The following RECK variants were observed in gnomAD, a reference collection of about 807,000 sequenced individuals.
RECK encodes reversion-inducing cysteine-rich protein with Kazal motifs.
RECK carries 69 observed loss-of-function variants against 115.1 expected under a neutral mutation model. The observed-to-expected ratio is 0.60, with a 90% CI of 0.49 to 0.73. The LOEUF is 0.73. Ranked by LOEUF, RECK falls within the 30% of genes least tolerant of loss-of-function variation. The probability of loss-of-function intolerance (pLI) is 0.00; values close to 1 mark genes in which losing one functional copy is unlikely to be tolerated. For missense variants in RECK, 1,047 were observed against 1,203.7 expected (o/e 0.87, Z 1.93); for synonymous variants, 414 against 419.7 (o/e 0.99, Z 0.17).
At chr9:36,041,043 A>G (rs1228162187) in intron 1 of RECK, among the ~76,000 whole-genome samples, 1 of 152,190 alleles carries the variant, frequency 6.6e-6, no homozygotes, top group African/African-American at 2.4e-5. Context: ...TATTTATTAA[A>G]CTATTAATAC....
intron 9 of RECK, among the ~76,000 whole-genome samples, chr9:36,090,407 T>G (rs1344666745): frequency 6.6e-6 from 1 of 152,146 alleles, no homozygotes; most frequent in East Asian, 1.9e-4. Flanking sequence ...ATCTTTGTCA[T>G]AGGGGTAAAT....
At chr9:36,105,377 T>C in intron 13 of RECK, 94 bp downstream of exon 13, 1 of 1,216,300 alleles carries the variant, frequency 8.2e-7, no homozygotes, top group East Asian at 2.3e-5. Context: ...CTGCTCCTTC[T>C]GTAATATAGG....
Position 36,122,891 on chromosome 9 carries a change from C to A in RECK, c.2762C>A (p.Ala921Glu). 6.2e-7 allele frequency: 1 copy of A among 1,614,200 alleles called. No individual in the cohort carries two copies. Residue 921 changes from alanine (A) to glutamate (E), a missense_variant, in exon 21 of 21, where the codon GCG becomes GAG. Ala to Glu is a moderately radical substitution (Grantham distance 107). Coordinates refer to ENST00000377966, the MANE Select transcript of RECK (RefSeq NM_021111.3). ...ATCAACTCTGACAGCCCGACTTTGG[C>A]GTCCCATGTCCCTCTCTCTGCCCTC... is the stretch of plus-strand genomic sequence containing the variant. ...SLINSDSPTL[A>E]SHVPLSALII...
chr9:36,063,952 C>T, intron 5 of RECK, 72 bp downstream of exon 5: 5 of 1,403,888 alleles, frequency 3.6e-6, no homozygotes, highest in Non-Finnish European at 5.0e-6. Context: ...ATGTCTTGGG[C>T]CTTGCCCACC....
At chr9:36,044,731 G>A (rs1180419278) in intron 1 of RECK, among the ~76,000 whole-genome samples, 3 of 152,216 alleles carry the variant, frequency 2.0e-5, no homozygotes, top group Admixed American at 1.3e-4. Flanking sequence ...TAAGAATTAA[G>A]ATGATAGTTA....
At chr9:36,109,660 A>G (rs2132663339) in intron 14 of RECK, among the ~76,000 whole-genome samples, 1 of 152,304 alleles carries the variant, frequency 6.6e-6, no homozygotes, top group East Asian at 1.9e-4. Context: ...CCTGGACAAC[A>G]TGGTGAAACC....
chr9:36,042,423 A>AGTGTGTGTGTGTGT (rs35193636), intron 1 of RECK, among the ~76,000 whole-genome samples: 32 of 144,454 alleles, frequency 2.2e-4, no homozygotes, highest in Non-Finnish European at 4.1e-4. Flanking sequence ...AGTATTCCAT[A>AGTGTGTGTGTGTGT]GTGTGTGTGT....
chr9:36,044,783 A>G (rs1821008837), intron 1 of RECK, among the ~76,000 whole-genome samples: 1 of 152,230 alleles, frequency 6.6e-6, no homozygotes, highest in South Asian at 2.1e-4. Flanking sequence ...GTGGGCATCA[A>G]GCATTTCAGG....
chr9:36,066,842 A>G (rs1198620430), intron 6 of RECK: 2 of 1,289,298 alleles, frequency 1.6e-6, no homozygotes, highest in Non-Finnish European at 2.0e-6. Flanking sequence ...GTCTGCCAGT[A>G]TGTGTTGATG....
chr9:36,042,532 A>G (rs1820908302), intron 1 of RECK, among the ~76,000 whole-genome samples: 1 of 149,316 alleles, frequency 6.7e-6, no homozygotes, highest in African/African-American at 2.5e-5. Flanking sequence ...GCAATTGCTA[A>G]TTGTGCTGCT....
chr9:36,091,450 T>C, intron 10 of RECK, 107 bp downstream of exon 10: 1 of 873,016 alleles, frequency 1.1e-6, no homozygotes, highest in South Asian at 2.5e-5. Flanking sequence ...AAAGAAAGTC[T>C]TCTTTATGAT....
intron 19 of RECK, among the ~76,000 whole-genome samples, chr9:36,121,108 CT>C (rs1047959042): frequency 3.8e-4 from 58 of 152,350 alleles, no homozygotes; most frequent in African/African-American, 1.3e-3. Context: ...CCCGTGCCTC[CT>C]GAGGGGATCT....
At chr9:36,119,092 T>A (rs1190970131) in intron 18 of RECK, 125 bp downstream of exon 18, 1 of 939,310 alleles carries the variant, frequency 1.1e-6, no homozygotes, top group South Asian at 1.7e-5. Context: ...GAGATTCTTA[T>A]GCTGATCATA....
In RECK at chr9:36,110,006, T is replaced by C. The variant is rs779486598; in HGVS notation, c.1815T>C (p.Ala605=). 1.9e-6 allele frequency: 3 copies of C among 1,613,822 alleles called. No individual in the cohort carries two copies. The African/African-American group carries it at 4.0e-5, about 22-fold the overall frequency. The change falls in exon 15 of 21, where the codon GCT becomes GCC. Residue 605 remains alanine, a synonymous_variant. Transcript: ENST00000377966. ...SIDCNVCSCF[A]GNLVCSTRLC... ...ACTGCAATGTCTGTTCTTGTTTTGC[T>C]GGCAATTTGGTGTGCTCTACCCGCC...
intron 1 of RECK, among the ~76,000 whole-genome samples, chr9:36,045,579 C>T (rs1821042844): frequency 6.8e-6 from 1 of 147,256 alleles, no homozygotes; most frequent in African/African-American, 2.5e-5. Context: ...TTTAGGGAGA[C>T]ATTAATTAGA....
At position 36,123,090 on chromosome 9, in the gene RECK, C is replaced by T. The variant is rs1824523854; in HGVS notation, c.*45C>T. On this transcript the variant is annotated 3_prime_UTR_variant, in exon 21 of 21. Transcript: ENST00000377966. ...AATGCTCCTCCACCTCACTCTCCTG[C>T]CTTGAAAAAGACATTCAGGACTGCT... 1.3e-6 allele frequency: 2 copies of T among 1,492,378 alleles called. No individual in the cohort carries two copies. The highest frequency in any genetic ancestry group is 1.8e-6 in the Non-Finnish European group (2 of 1,086,074). 92.4% of individuals were successfully genotyped at this position (1,492,378 alleles called of 1,614,324 possible).
intron 16 of RECK, among the ~76,000 whole-genome samples, chr9:36,116,259 G>A (rs190309864): frequency 6.6e-6 from 1 of 151,972 alleles, no homozygotes; most frequent in Non-Finnish European, 1.5e-5. Context: ...CTCCTGAGTA[G>A]CTGGGATTAC....
chr9:36,041,386 G>A (rs141805254), intron 1 of RECK, among the ~76,000 whole-genome samples: 83 of 152,310 alleles, frequency 5.4e-4, no homozygotes, highest in Non-Finnish European at 8.5e-4. Flanking sequence ...TTTGTTTAGA[G>A]ATGGGAGCCC....
In RECK at chr9:36,110,019, T is replaced by C. The variant is rs1823976494; in HGVS notation, c.1828T>C (p.Cys610Arg). The C allele has an allele frequency of 6.2e-7, 1 of 1,614,040 alleles. No homozygotes were observed. Among genetic ancestry groups the C allele is most frequent in the Non-Finnish European group, 8.5e-7 (1 of 1,179,884 alleles). Residue 610 changes from cysteine (C) to arginine (R), a missense_variant, in exon 15 of 21, where the codon TGC becomes CGC. Physicochemically the swap from Cys to Arg is radical, Grantham distance 180. Transcript: ENST00000377966. ...VCSCFAGNLV[C>R]STRLCLSEHS... is the part of the protein sequence containing the mutation. Reference sequence around the variant, plus strand: ...TTCTTGTTTTGCTGGCAATTTGGTGTGCTCTACCCGCCTTTGCCTCAGTGA... The same window carrying C: ...TTCTTGTTTTGCTGGCAATTTGGTGCGCTCTACCCGCCTTTGCCTCAGTGA...
Sources: gnomAD v4.1 joint callset for allele counts (sites outside exome capture counted in the v4.1 genomes callset) on GRCh38, gnomAD v4.1.1 for gene constraint, MANE v1.5 for transcripts, NCBI Gene and HGNC (gene_info 2026-07-23, HGNC 2026-07-21) for gene names.